Variants in ERLEC1 observed in about 807,000 individuals in gnomAD.
ERLEC1 encodes the protein ER lectin.
ERLEC1 carries 47 observed loss-of-function variants against 68.0 expected under a neutral mutation model. That is an observed-to-expected ratio of 0.69 (90% CI 0.55 to 0.88). The LOEUF is 0.88. ERLEC1 is among the 40% of genes least tolerant of loss of function. The pLI, the probability that ERLEC1 is intolerant of heterozygous loss-of-function variation, is 0.00. For missense variants in ERLEC1, 567 were observed against 583.8 expected (o/e 0.97, Z 0.30); for synonymous variants, 225 against 203.2 (o/e 1.11, Z -0.91).
Position 53,787,110 on chromosome 2 carries a change from C to G in ERLEC1, c.-101C>G. On this transcript the variant is annotated 5_prime_UTR_variant, in exon 1 of 14. Coordinates refer to ENST00000185150, the MANE Select transcript of ERLEC1 (RefSeq NM_015701.5). The stretch of plus-strand genomic sequence containing the variant: ...CGGTTGGGCCGGTGATACCCGGGCG[C>G]TTTATAGTCCCGCCGCCTCCTCCTC... 1.5e-6 allele frequency: 2 copies of G among 1,377,714 alleles called. No individual in the cohort carries two copies. The highest frequency in any genetic ancestry group is 1.9e-6 in the Non-Finnish European group (2 of 1,055,866). 85.3% of individuals were successfully genotyped at this position (1,377,714 alleles called of 1,614,324 possible). A position where few individuals can be genotyped will look rare whatever the true frequency, so the allele number is the denominator to read the frequency against.
At chr2:53,802,144 C>A (rs976211171) in intron 8 of ERLEC1, among the ~76,000 whole-genome samples, 1 of 152,020 alleles carries the variant, frequency 6.6e-6, no homozygotes, top group Middle Eastern at 3.4e-3. Context: ...AGACTAAAAC[C>A]CTATCTCTGT....
rs573672247 is a variant in ERLEC1 at position 53,817,006 on chromosome 2, T to C, written c.1381-892T>C. Among the ~76,000 whole-genome samples, 10 of 152,384 alleles carry C rather than the reference T, an allele frequency of 6.6e-5. No homozygotes were observed. In the East Asian group the frequency reaches 1.9e-3, roughly 29 times the overall value. ...CCTTTGTTTCGATTTGGGTCATTTC[T>C]GTTAAGCTGTCTTCAAACTTGTTAA... On this transcript the variant is annotated intron_variant, in intron 13 of 13. Coordinates refer to ENST00000185150, the MANE Select transcript of ERLEC1 (RefSeq NM_015701.5).
intron 10 of ERLEC1, among the ~76,000 whole-genome samples, chr2:53,810,235 C>G (rs1203482204): frequency 6.6e-6 from 1 of 151,966 alleles, no homozygotes; most frequent in Non-Finnish European, 1.5e-5. Flanking sequence ...TTTGGGGGGC[C>G]AAGGCAGGAG....
At chr2:53,814,975 C>G in intron 13 of ERLEC1, 40 bp downstream of exon 13, 2 of 1,216,816 alleles carry the variant, frequency 1.6e-6, no homozygotes, top group African/African-American at 1.6e-5. Context: ...CCATTTTGAG[C>G]CATGTTTTAA....
At chr2:53,802,882 C>T (rs1006755788) in intron 8 of ERLEC1, among the ~76,000 whole-genome samples, 1 of 152,162 alleles carries the variant, frequency 6.6e-6, no homozygotes, top group Admixed American at 6.5e-5. Flanking sequence ...CAAGCGTGCA[C>T]CACCTCACCC....
At chr2:53,809,140 C>G (rs1573097944) in intron 9 of ERLEC1, 74 bp from the exon 10 acceptor site, 1 of 993,338 alleles carries the variant, frequency 1.0e-6, no homozygotes, top group East Asian at 2.6e-5. Flanking sequence ...ACATGTATTT[C>G]CATTACTGTC....
intron 1 of ERLEC1, among the ~76,000 whole-genome samples, chr2:53,788,992 G>A (rs866966258): frequency 8.6e-5 from 13 of 151,766 alleles, no homozygotes; most frequent in African/African-American, 3.2e-4. Context: ...ATAAGCGAGC[G>A]ACTAAAACTA....
At chr2:53,812,040 C>G (rs1336156900) in intron 10 of ERLEC1, among the ~76,000 whole-genome samples, 1 of 152,166 alleles carries the variant, frequency 6.6e-6, no homozygotes, top group Non-Finnish European at 1.5e-5. Flanking sequence ...GCCTCAGCCT[C>G]CCAAGTAGCT....
chr2:53,800,820 G>A (rs577383039), intron 6 of ERLEC1, among the ~76,000 whole-genome samples: 2 of 152,072 alleles, frequency 1.3e-5, no homozygotes, highest in East Asian at 3.9e-4. Flanking sequence ...ATTTATATAG[G>A]AGTTTACATG....
At chr2:53,794,653 TTTTA>T (rs1675589897) in intron 2 of ERLEC1, among the ~76,000 whole-genome samples, 1 of 152,158 alleles carries the variant, frequency 6.6e-6, no homozygotes, top group South Asian at 2.1e-4. Context: ...TTTTTTTTTA[TTTTA>T]TTTATTTATT....
chr2:53,791,367 T>G (rs1454093667), intron 1 of ERLEC1, among the ~76,000 whole-genome samples: 1 of 152,224 alleles, frequency 6.6e-6, no homozygotes, highest in African/African-American at 2.4e-5. Flanking sequence ...AAATACCTTG[T>G]TATGTAAAGT....
intron 10 of ERLEC1, among the ~76,000 whole-genome samples, chr2:53,810,439 C>G (rs1022878060): frequency 1.3e-5 from 2 of 152,152 alleles, no homozygotes; most frequent in East Asian, 3.8e-4. Context: ...CTTGAGCCAG[C>G]CTGCTTAAAT....
chr2:53,802,856 C>G (rs1676077310), intron 8 of ERLEC1, among the ~76,000 whole-genome samples: 1 of 152,152 alleles, frequency 6.6e-6, no homozygotes, highest in Non-Finnish European at 1.5e-5. Context: ...CTCAGCCTTT[C>G]AAAGTGCTGG....
intron 1 of ERLEC1, among the ~76,000 whole-genome samples, chr2:53,789,581 C>T (rs1296073426): frequency 1.3e-5 from 2 of 151,932 alleles, no homozygotes; most frequent in Non-Finnish European, 2.9e-5. Context: ...TAAGTCTGTG[C>T]TACTTTGAGA....
chr2:53,814,882 C>A lies in ERLEC1; in HGVS notation c.1327C>A (p.His443Asn). The A allele has an allele frequency of 1.2e-6, 2 of 1,608,326 alleles. No individual in the cohort carries two copies. Among genetic ancestry groups the A allele is most frequent in the Non-Finnish European group, 1.7e-6 (2 of 1,176,454 alleles). The change falls in exon 13 of 14, where the codon CAT becomes AAT. Residue 443 changes from histidine to asparagine, a missense_variant. By Grantham distance (68) the His-to-Asn change is moderately conservative. Coordinates refer to ENST00000185150, the MANE Select transcript of ERLEC1 (RefSeq NM_015701.5). ...TAGGTGCAAAGAATCAGATTCACCT[C>A]ATGCTGTTACTGTATATATGCTAGA... Reference protein sequence around the residue: ...KLKCKESDSPHAVTVYMLEPH... With the variant: ...KLKCKESDSPNAVTVYMLEPH...
Position 53,817,083 on chromosome 2 carries a change from T to TA in ERLEC1, c.1381-814dup, listed in dbSNP as rs781655350. On this transcript the variant is annotated intron_variant, in intron 13 of 13. Transcript: ENST00000185150. ...ATGAATTTATCACTGATGTATTTTT[T>TA]ATCTCTTAACATTTCCACTTGGTTC... Among the ~76,000 whole-genome samples, 17 of 152,270 alleles carry TA rather than the reference T, an allele frequency of 1.1e-4. No homozygotes were observed. In the South Asian group the frequency reaches 1.5e-3, roughly 13 times the overall value.
intron 6 of ERLEC1, among the ~76,000 whole-genome samples, chr2:53,800,914 T>G (rs979553267): frequency 6.6e-6 from 1 of 152,154 alleles, no homozygotes; most frequent in Non-Finnish European, 1.5e-5. Context: ...TTTAAACTTC[T>G]GTTTTAGAAT....
chr2:53,800,495 C>T (rs1018628139), intron 6 of ERLEC1, among the ~76,000 whole-genome samples: 2 of 152,074 alleles, frequency 1.3e-5, no homozygotes, highest in Non-Finnish European at 2.9e-5. Context: ...TAATTTCAGA[C>T]ACTAGCTTAA....
At position 53,793,449 on chromosome 2, in the gene ERLEC1, T is replaced by G. The variant is rs186056731; in HGVS notation, c.163-896T>G. 2.6e-5 allele frequency among the ~76,000 whole-genome samples: 4 copies of G among 152,326 alleles called. No homozygotes were observed. The East Asian group carries it at 7.7e-4, about 29-fold the overall frequency. On this transcript the variant is annotated intron_variant, in intron 1 of 13. Transcript: ENST00000185150. Reference sequence around the variant, plus strand: ...TAGTACATCATCATCCGTATTTGTTTACATATTGTGTACTTTTGTTGCTAC... The same window carrying G: ...TAGTACATCATCATCCGTATTTGTTGACATATTGTGTACTTTTGTTGCTAC...
Sources: allele counts gnomAD v4.1 joint callset (sites outside exome capture counted in the v4.1 genomes callset), GRCh38; gene constraint gnomAD v4.1.1; transcripts MANE v1.5; gene names NCBI Gene and HGNC (gene_info 2026-07-23, HGNC 2026-07-21).